PKHD1: variants seen among roughly 807,000 people sequenced by gnomAD.
PKHD1 encodes the protein fibrocystin.
In PKHD1, 291 loss-of-function variants were observed where a neutral mutation model predicts 412.0. The ratio of observed to expected loss-of-function variants is 0.71; its 90% confidence interval spans 0.64 to 0.78. The LOEUF is 0.78. Among genes scored for constraint, PKHD1 ranks in the 30% least tolerant of loss-of-function variants. PKHD1 has a pLI of 0.00. For missense variants in PKHD1, 4,825 were observed against 4,950.7 expected, an observed-to-expected ratio of 0.97 and a Z score of 0.76; for synonymous variants, 1,777 against 1,821.5, an observed-to-expected ratio of 0.98 and a Z score of 0.62.
chr6:51,961,621 T>TTTATAATTACTTTATATA (rs1792052359), intron 35 of PKHD1, among the ~76,000 whole-genome samples: 1 of 152,086 alleles, frequency 6.6e-6, no homozygotes, highest in Non-Finnish European at 1.5e-5. Context: ...TACATTCTTA[T>TTTATAATTACTTTATATA]AACCCTTTAA....
In PKHD1 at chr6:51,909,355, C is replaced by T. The variant is rs747645373; in HGVS notation, c.6610G>A (p.Val2204Met). 2 of 1,613,448 alleles carry T rather than the reference C, an allele frequency of 1.2e-6. No homozygotes were observed. Among genetic ancestry groups the T allele is most frequent in the Admixed American group, 1.7e-5 (1 of 59,920 alleles). ...GCTTGCCCCAAGACTTGAAACTGCA[C>T]TCCCTTCAACTGGACCTGGCTGGGC... is the stretch of plus-strand genomic sequence containing the variant. Reference protein sequence around the residue: ...EEPSQVQLKGVQFQVLGQAFH... With the variant: ...EEPSQVQLKGMQFQVLGQAFH... Residue 2204 changes from valine (V) to methionine (M), a missense_variant, in exon 40 of 67, where the codon GTG becomes ATG. Transcript: ENST00000371117.
chr6:52,037,730 T>C (rs2435328), intron 27 of PKHD1, among the ~76,000 whole-genome samples: 126,698 of 152,234 alleles, frequency 0.83, 54,572 homozygotes, highest in Middle Eastern at 0.95. Context: ...ATATGCATTG[T>C]TGCTTAGGCA....
At chr6:52,045,857 A>T (rs951659038) in intron 24 of PKHD1, 147 bp downstream of exon 24, 2 of 672,932 alleles carry the variant, frequency 3.0e-6, no homozygotes, top group Non-Finnish European at 5.2e-6. Context: ...AACTTCCAGA[A>T]AGAAAGTTCA....
At chr6:51,989,963 G>GGAAA in intron 35 of PKHD1, among the ~76,000 whole-genome samples, 2 of 117,524 alleles carry the variant, frequency 1.7e-5, no homozygotes, top group African/African-American at 3.0e-5. Flanking sequence ...AAGGAAAGAA[G>GGAAA]GAAGGAAGGA....
At position 51,824,213 on chromosome 6, in the gene PKHD1, T is replaced by A. The variant is rs554555044; in HGVS notation, c.8302+6648A>T. Among the ~76,000 whole-genome samples, 6 of 152,206 alleles carry A rather than the reference T, an allele frequency of 3.9e-5. No individual in the cohort carries two copies. The South Asian group carries it at 1.2e-3, about 32-fold the overall frequency. ...TAATTTACATATATATTAATATTTA[T>A]AAGTAAATCCACCTCAAAAGAAAAC... On this transcript the variant is annotated intron_variant, in intron 52 of 66. Coordinates refer to ENST00000371117, the MANE Select transcript of PKHD1 (RefSeq NM_138694.4).
chr6:51,628,551 T>C (rs1177231286), intron 65 of PKHD1, among the ~76,000 whole-genome samples: 1 of 152,210 alleles, frequency 6.6e-6, no homozygotes, highest in Non-Finnish European at 1.5e-5. Context: ...AATACATGTG[T>C]CCTTTTGGTA....
intron 60 of PKHD1, among the ~76,000 whole-genome samples, chr6:51,682,462 G>C (rs143887221): frequency 6.6e-5 from 10 of 152,176 alleles, no homozygotes; most frequent in Non-Finnish European, 1.3e-4. Context: ...GATTACTGAA[G>C]TAATTAGGTA....
chr6:51,700,349 A>T (rs548717402), intron 60 of PKHD1, among the ~76,000 whole-genome samples: 2 of 152,180 alleles, frequency 1.3e-5, no homozygotes, highest in South Asian at 2.1e-4. Context: ...GCTAACACTC[A>T]ATTCCCCTCT....
intron 49 of PKHD1, among the ~76,000 whole-genome samples, chr6:51,852,356 T>C (rs1205328571): frequency 6.6e-6 from 1 of 152,096 alleles, no homozygotes; most frequent in Non-Finnish European, 1.5e-5. Context: ...GCCATGTGGC[T>C]CTGAGAAGAA....
At chr6:51,657,426 A>C (rs1213746871) in intron 61 of PKHD1, among the ~76,000 whole-genome samples, 2 of 152,160 alleles carry the variant, frequency 1.3e-5, no homozygotes, top group African/African-American at 4.8e-5. Context: ...ATACTTAAGA[A>C]GCAGCCCTTC....
At chr6:51,820,382 G>T (rs911516503) in intron 52 of PKHD1, among the ~76,000 whole-genome samples, 3 of 152,178 alleles carry the variant, frequency 2.0e-5, no homozygotes, top group African/African-American at 7.2e-5. Flanking sequence ...TATAGAAGGA[G>T]CAGCAAGCAT....
intron 55 of PKHD1, among the ~76,000 whole-genome samples, chr6:51,759,793 A>G (rs745728566): frequency 1.3e-4 from 20 of 152,124 alleles, no homozygotes; most frequent in Admixed American, 1.3e-4. Context: ...TTACTCACAT[A>G]ATTAAAGAAA....
rs1185197350 is a variant in PKHD1 at position 51,847,798 on chromosome 6, T to C, written c.8084A>G (p.Gln2695Arg). The C allele has an allele frequency of 2.5e-6, 4 of 1,613,750 alleles. No homozygotes were observed. The highest frequency in any genetic ancestry group is 3.3e-5 in the Admixed American group (2 of 60,008). Residue 2695 changes from glutamine (Q) to arginine (R), a missense_variant, in exon 50 of 67, where the codon CAG (glutamine) becomes CGG (arginine). Coordinates refer to ENST00000371117, the MANE Select transcript of PKHD1 (RefSeq NM_138694.4). ...ACCCAGATAGGTGAGTTGCCTCAGC[T>C]GGCTATTGAAGAACCAGTCACAGCC... Reference protein sequence around the residue: ...NQGCDWFFNSQLRQLTYLVSG... With the variant: ...NQGCDWFFNSRLRQLTYLVSG...
chr6:51,975,185 A>C (rs895168987), intron 35 of PKHD1, among the ~76,000 whole-genome samples: 15 of 152,178 alleles, frequency 9.9e-5, no homozygotes, highest in Non-Finnish European at 2.2e-4. Flanking sequence ...AATTCACATA[A>C]AAGACGTTTC....
At chr6:51,823,043 C>A (rs1482923110) in intron 52 of PKHD1, among the ~76,000 whole-genome samples, 1 of 151,010 alleles carries the variant, frequency 6.6e-6, no homozygotes, top group Non-Finnish European at 1.5e-5. Context: ...TTGTAAACTG[C>A]TGCTGAAAGT....
At chr6:51,889,124 C>T (rs929136028) in intron 43 of PKHD1, among the ~76,000 whole-genome samples, 9 of 152,028 alleles carry the variant, frequency 5.9e-5, no homozygotes, top group Admixed American at 5.2e-4. Context: ...TCCTGATCAC[C>T]TGGGGGTTTT....
rs886061611 is a variant in PKHD1 at position 51,659,402 on chromosome 6, C to A, written c.10724G>T (p.Gly3575Val). The change falls in exon 61 of 67, where the codon GGC (glycine) becomes GTC (valine). Residue 3575 changes from glycine (G) to valine (V), a missense_variant. Transcript: ENST00000371117. Reference protein sequence around the residue: ...LTVMVSVLEKGWEIVILERLT... With the variant: ...LTVMVSVLEKVWEIVILERLT... ...TCTTTCGAGTATTACTATTTCCCAG[C>A]CTTTTTCTAAGACTGAAACCATCAC... 3.7e-6 allele frequency: 6 copies of A among 1,613,628 alleles called. No individual in the cohort carries two copies. The highest frequency in any genetic ancestry group is 1.1e-5 in the South Asian group (1 of 91,074).
chr6:51,730,582 A>G (rs1783119430), intron 60 of PKHD1, among the ~76,000 whole-genome samples: 2 of 152,214 alleles, frequency 1.3e-5, no homozygotes, highest in Admixed American at 1.3e-4. Context: ...TTTTTAATGA[A>G]TGCTTCCAAT....
At chr6:51,954,385 G>A (rs964615349) in intron 36 of PKHD1, among the ~76,000 whole-genome samples, 2 of 152,064 alleles carry the variant, frequency 1.3e-5, no homozygotes, top group African/African-American at 4.8e-5. Flanking sequence ...ACAGAGCTGG[G>A]AAGTAGTGGA....
Sources: allele counts gnomAD v4.1 joint callset (sites outside exome capture counted in the v4.1 genomes callset), GRCh38; gene constraint gnomAD v4.1.1; transcripts MANE v1.5; gene names NCBI Gene and HGNC (gene_info 2026-07-23, HGNC 2026-07-21).